CHST11: variants seen among roughly 807,000 people sequenced by gnomAD.
The protein encoded by CHST11 is carbohydrate sulfotransferase 11, also known as C4S-1.
A neutral mutation model predicts 30.4 loss-of-function variants in CHST11; 9 were observed. The observed-to-expected ratio is 0.30, with a 90% CI of 0.18 to 0.52. CHST11 has a LOEUF of 0.52. CHST11 is among the 20% of genes least tolerant of loss of function. The pLI is 0.97. For synonymous variants in CHST11, 152 were observed against 187.8 expected, an observed-to-expected ratio of 0.81 and a Z score of 1.56; for missense variants, 348 against 460.6, an observed-to-expected ratio of 0.76 and a Z score of 2.24.
At chr12:104,520,655 T>C (rs1466718717) in intron 1 of CHST11, among the ~76,000 whole-genome samples, 1 of 152,228 alleles carries the variant, frequency 6.6e-6, no homozygotes, top group African/African-American at 2.4e-5. Flanking sequence ...ATCCTAGCCA[T>C]GTTCAGGATA....
intron 2 of CHST11, among the ~76,000 whole-genome samples, chr12:104,693,814 C>G (rs2039920214): frequency 6.6e-6 from 1 of 152,146 alleles, no homozygotes; most frequent in South Asian, 2.1e-4. Flanking sequence ...AGGCCTCAAT[C>G]TAGAGATTAG....
intron 1 of CHST11, among the ~76,000 whole-genome samples, chr12:104,541,682 G>A (rs1022838542): frequency 1.3e-5 from 2 of 152,144 alleles, no homozygotes; most frequent in Non-Finnish European, 2.9e-5. Flanking sequence ...CATCTCATGG[G>A]GAAATTGGGA....
At chr12:104,577,833 C>T (rs545795977) in intron 1 of CHST11, among the ~76,000 whole-genome samples, 10 of 152,290 alleles carry the variant, frequency 6.6e-5, no homozygotes, top group African/African-American at 2.4e-4. Flanking sequence ...CCTTTTTATA[C>T]TGAAGAGGAG....
rs942668707 is a variant in CHST11 at position 104,456,969 on chromosome 12, G to A, written c.-443G>A. On this transcript the variant is annotated 5_prime_UTR_variant, in exon 1 of 3. Coordinates refer to ENST00000303694, the MANE Select transcript of CHST11 (RefSeq NM_018413.6). ...TTGCATTTGGTAAAACCCAGCCCCG[G>A]AATATATAGATCGTTGGAGCGCAAT... 1 of 152,942 alleles carries A rather than the reference G, an allele frequency of 6.5e-6. No individual in the cohort carries two copies. Among genetic ancestry groups the A allele is most frequent in the African/African-American group, 2.4e-5 (1 of 41,468 alleles). 9.5% of individuals were successfully genotyped at this position (152,942 alleles called of 1,614,324 possible). A position where few individuals can be genotyped will look rare whatever the true frequency, so the allele number is the denominator to read the frequency against.
chr12:104,589,986 G>A (rs989478289), intron 1 of CHST11, among the ~76,000 whole-genome samples: 2 of 151,794 alleles, frequency 1.3e-5, no homozygotes, highest in African/African-American at 4.9e-5. Context: ...TCCAGCCTGG[G>A]CAACAAAGCG....
At chr12:104,682,707 G>A (rs2039808591) in intron 2 of CHST11, among the ~76,000 whole-genome samples, 1 of 152,208 alleles carries the variant, frequency 6.6e-6, no homozygotes, top group Non-Finnish European at 1.5e-5. Context: ...TATGGCATTA[G>A]GATTTCACCT....
intron 1 of CHST11, among the ~76,000 whole-genome samples, chr12:104,495,433 A>G (rs905208626): frequency 6.6e-6 from 1 of 152,076 alleles, no homozygotes; most frequent in Non-Finnish European, 1.5e-5. Context: ...TTATATTCCT[A>G]CCAACAGTAC....
chr12:104,715,335 C>T lies in CHST11; in HGVS notation c.205-41614C>T, dbSNP rs1002732598. On this transcript the variant is annotated intron_variant, in intron 2 of 2. Coordinates refer to ENST00000303694, the MANE Select transcript of CHST11 (RefSeq NM_018413.6). ...GCTGCAGTGAGCCGAGATCATGCCA[C>T]GGCACTCCAGCCTGGGTGACAGAGT... is the stretch of plus-strand genomic sequence containing the variant. Among the ~76,000 whole-genome samples the T allele has an allele frequency of 9.2e-5, 14 of 152,128 alleles. No homozygotes were observed. In the East Asian group the frequency reaches 1.9e-3, roughly 21 times the overall value.
At chr12:104,479,159 CA>C (rs538967577) in intron 1 of CHST11, among the ~76,000 whole-genome samples, 11 of 148,110 alleles carry the variant, frequency 7.4e-5, no homozygotes, top group Admixed American at 1.3e-4. Context: ...TTGGTTTAAG[CA>C]AAAAAAAAGG....
intron 1 of CHST11, among the ~76,000 whole-genome samples, chr12:104,499,610 G>T (rs1409868326): frequency 6.6e-6 from 1 of 152,124 alleles, no homozygotes; most frequent in African/African-American, 2.4e-5. Flanking sequence ...TGAGTGGAAA[G>T]AAATCATTAT....
At chr12:104,459,856 A>G (rs1260995737) in intron 1 of CHST11, among the ~76,000 whole-genome samples, 1 of 152,230 alleles carries the variant, frequency 6.6e-6, no homozygotes, top group Non-Finnish European at 1.5e-5. Context: ...CCTCCAGTCC[A>G]TAGCAAATAC....
intron 1 of CHST11, among the ~76,000 whole-genome samples, chr12:104,497,049 A>G (rs146983114): frequency 6.6e-6 from 1 of 152,330 alleles, no homozygotes; most frequent in East Asian, 1.9e-4. Context: ...TCTCCTGGAT[A>G]TCAAGCCCCT....
intron 2 of CHST11, among the ~76,000 whole-genome samples, chr12:104,606,393 A>G (rs2039005688): frequency 6.6e-6 from 1 of 152,068 alleles, no homozygotes; most frequent in Non-Finnish European, 1.5e-5. Flanking sequence ...AAAAAGGAAG[A>G]CAAATTACTA....
intron 1 of CHST11, among the ~76,000 whole-genome samples, chr12:104,536,510 G>A (rs1380488301): frequency 6.6e-6 from 1 of 152,170 alleles, no homozygotes; most frequent in Non-Finnish European, 1.5e-5. Context: ...TTGCTTCATT[G>A]TTCTTCCACG....
At chr12:104,727,145 A>T (rs933920915) in intron 2 of CHST11, among the ~76,000 whole-genome samples, 1 of 151,974 alleles carries the variant, frequency 6.6e-6, no homozygotes, top group Non-Finnish European at 1.5e-5. Flanking sequence ...GGCAAATTAC[A>T]TTATTAGAAC....
chr12:104,540,699 C>T (rs1021547766), intron 1 of CHST11, among the ~76,000 whole-genome samples: 3 of 151,884 alleles, frequency 2.0e-5, no homozygotes, highest in African/African-American at 2.4e-5. Flanking sequence ...TGGGTGAAAC[C>T]GCAGGGTTCA....
chr12:104,736,872 T>TCCTTCTGC (rs2040305318), intron 2 of CHST11, among the ~76,000 whole-genome samples: 1 of 152,180 alleles, frequency 6.6e-6, no homozygotes, highest in African/African-American at 2.4e-5. Context: ...TTTGAAAGCA[T>TCCTTCTGC]AGGAGAAATG....
At chr12:104,487,870 A>G (rs1206156545) in intron 1 of CHST11, among the ~76,000 whole-genome samples, 1 of 150,496 alleles carries the variant, frequency 6.6e-6, no homozygotes, top group Non-Finnish European at 1.5e-5. Flanking sequence ...TTTTTTTTTC[A>G]CAAGGAGATA....
chr12:104,669,953 T>G (rs2136094299), intron 2 of CHST11, among the ~76,000 whole-genome samples: 1 of 152,400 alleles, frequency 6.6e-6, no homozygotes, highest in South Asian at 2.1e-4. Flanking sequence ...CAAATACTTG[T>G]GCTTAGCACA....
Sources: allele counts gnomAD v4.1 joint callset (sites outside exome capture counted in the v4.1 genomes callset), GRCh38; gene constraint gnomAD v4.1.1; transcripts MANE v1.5; gene names NCBI Gene and HGNC (gene_info 2026-07-23, HGNC 2026-07-21).